Variants in ERCC5 observed in about 807,000 individuals in gnomAD.
ERCC5 encodes ERCC excision repair 5, endonuclease, also known as DNA excision repair protein ERCC-5.
In ERCC5, 68 loss-of-function variants were observed where a neutral mutation model predicts 105.6. The ratio of observed to expected loss-of-function variants is 0.64; its 90% CI spans 0.53 to 0.79. ERCC5 has a LOEUF of 0.79. Among genes scored for constraint, ERCC5 ranks in the 30% least tolerant of loss-of-function variants. The pLI is 0.00. For missense variants in ERCC5, 1,373 were observed against 1,426.7 expected, an observed-to-expected ratio of 0.96 and a Z score of 0.61; for synonymous variants, 546 against 526.2, an observed-to-expected ratio of 1.04 and a Z score of -0.51.
rs1325131028 is a variant in ERCC5, at chr13:102,862,216, GC to G, written c.1068del (p.Ser357GlnfsTer22). 6.2e-7 allele frequency: 1 copy of G among 1,614,174 alleles called. No homozygotes were observed. Among genetic ancestry groups the G allele is most frequent in the Admixed American group, 1.7e-5 (1 of 60,030 alleles). ...ATGCAAGCTGCCCTGCTGGGAAGTA[GC>G]TCAGAAGAGGAGCTGGAGAGTGAAA... ...LAMQAALLGS[S>X]SEEELESENR... On this transcript the variant is annotated frameshift_variant, in exon 8 of 15. Transcript: ENST00000652225. LOFTEE classifies it high-confidence loss of function.
At position 102,875,931 on chromosome 13, in the gene ERCC5, G is replaced by C; in HGVS notation, c.*28G>C. The C allele has an allele frequency of 1.3e-6, 2 of 1,597,248 alleles. No individual in the cohort carries two copies. Among genetic ancestry groups the C allele is most frequent in the Non-Finnish European group, 1.7e-6 (2 of 1,177,834 alleles). ...AAAAAATATGTATCCTCTATAATTA[G>C]TTATGACAGCCATTTGTAATGAATT... On this transcript the variant is annotated 3_prime_UTR_variant, in exon 15 of 15. Transcript: ENST00000652225.
Position 102,852,205 on chromosome 13 carries a change from T to A in ERCC5, c.176T>A (p.Phe59Tyr), listed in dbSNP as rs1882231314. Residue 59 changes from phenylalanine (F) to tyrosine (Y), a missense_variant, in exon 2 of 15, where the codon TTT becomes TAT. Coordinates refer to ENST00000652225, the MANE Select transcript of ERCC5 (RefSeq NM_000123.4). ...SIENPHLLTLFHRLCKLLFFR... is the reference protein window; with the variant it reads ...SIENPHLLTLYHRLCKLLFFR... ...GAAAATCCTCATCTTCTCACTTTGT[T>A]TCATCGGCTCTGCAAACTCTTATTT... 1 of 1,614,156 alleles carries A rather than the reference T, an allele frequency of 6.2e-7. No homozygotes were observed.
chr13:102,856,837 A>G (rs1241132601), intron 5 of ERCC5, among the ~76,000 whole-genome samples: 3 of 152,236 alleles, frequency 2.0e-5, no homozygotes, highest in African/African-American at 7.2e-5. Flanking sequence ...GCATTTTCCC[A>G]GCATGATGAC....
chr13:102,875,157 G>A, intron 14 of ERCC5, 150 bp from the exon 15 acceptor site: 1 of 855,022 alleles, frequency 1.2e-6, no homozygotes, highest in African/African-American at 1.7e-5. Context: ...GTAATTCACT[G>A]GGAGAGAACT....
At position 102,862,207 on chromosome 13, in the gene ERCC5, T is replaced by C; in HGVS notation, c.1058T>C (p.Leu353Pro). 1 of 1,614,100 alleles carries C rather than the reference T, an allele frequency of 6.2e-7. No homozygotes were observed. Among genetic ancestry groups the C allele is most frequent in the South Asian group, 1.1e-5 (1 of 91,080 alleles). Residue 353 changes from leucine (L) to proline (P), a missense_variant, in exon 8 of 15, where the codon CTG (leucine) becomes CCG (proline). Transcript: ENST00000652225. Reference protein sequence around the residue: ...RTLLAMQAALLGSSSEEELES... With the variant: ...RTLLAMQAALPGSSSEEELES... ...TTACTAGCTATGCAAGCTGCCCTGC[T>C]GGGAAGTAGCTCAGAAGAGGAGCTG...
Position 102,852,287 on chromosome 13 carries a change from G to GACTT in ERCC5, c.259_262dup (p.Leu88TyrfsTer15). 2.5e-6 allele frequency: 4 copies of GACTT among 1,614,054 alleles called. No individual in the cohort carries two copies. Among genetic ancestry groups the GACTT allele is most frequent in the Non-Finnish European group, 8.5e-7 (1 of 1,179,998 alleles). ...GGGATGCTCCACTATTGAAGAAACAGACTTTGGTAAGTGTCGTATAGTTTT... is the reference window on the plus strand; with the variant it reads ...GGGATGCTCCACTATTGAAGAAACAGACTTACTTTGGTAAGTGTCGTATAGTTTT... On this transcript the variant is annotated frameshift_variant, in exon 2 of 15. Transcript: ENST00000652225. LOFTEE classifies it high-confidence loss of function.
chr13:102,871,362 CT>C (rs1883027969), intron 12 of ERCC5, among the ~76,000 whole-genome samples: 1 of 152,146 alleles, frequency 6.6e-6, no homozygotes, highest in African/African-American at 2.4e-5. Flanking sequence ...GTGTCGCTGT[CT>C]TTATCCGGCC....
chr13:102,870,580 T>C (rs998784039), intron 12 of ERCC5, among the ~76,000 whole-genome samples: 10 of 152,226 alleles, frequency 6.6e-5, no homozygotes, highest in Non-Finnish European at 1.5e-5. Context: ...CCAGTCATGA[T>C]TACAGTTTCA....
At chr13:102,856,383 G>A (rs1317298005) in intron 5 of ERCC5, among the ~76,000 whole-genome samples, 1 of 151,968 alleles carries the variant, frequency 6.6e-6, no homozygotes, top group African/African-American at 2.4e-5. Context: ...CCAACCAATA[G>A]TAATATGTGC....
intron 1 of ERCC5, among the ~76,000 whole-genome samples, chr13:102,848,946 G>T (rs1290680877): frequency 6.6e-6 from 1 of 152,116 alleles, no homozygotes; most frequent in Non-Finnish European, 1.5e-5. Context: ...TAGGCCCATG[G>T]GGTTTAATAA....
At chr13:102,868,810 A>G (rs1882935304) in intron 12 of ERCC5, among the ~76,000 whole-genome samples, 1 of 152,250 alleles carries the variant, frequency 6.6e-6, no homozygotes, top group Admixed American at 6.5e-5. Context: ...TGCTCCATCC[A>G]GAACCCAGAG....
Position 102,865,804 on chromosome 13 carries a change from G to T in ERCC5, c.2092G>T (p.Glu698Ter). ...TREGEAPAES[E>*]SLLRDNSERD... is the part of the protein sequence containing the mutation. ...GGAGGGAGAAGCCCCTGCTGAGTCC[G>T]AGAGCCTCCTGAGGGACAACTCTGA... The change falls in exon 9 of 15, where the codon GAG (glutamate) becomes TAG (stop). Residue 698 changes from glutamate to a stop codon, truncating the protein, a stop_gained. Coordinates refer to ENST00000652225, the MANE Select transcript of ERCC5 (RefSeq NM_000123.4). LOFTEE classifies it high-confidence loss of function. This position sits in a 1 kb window ranked among gnomAD's most constrained non-coding sequence, Gnocchi z 4.0. 6.2e-7 allele frequency: 1 copy of T among 1,614,150 alleles called. No homozygotes were observed. The highest frequency in any genetic ancestry group is 8.5e-7 in the Non-Finnish European group (1 of 1,180,034).
intron 1 of ERCC5, among the ~76,000 whole-genome samples, chr13:102,847,816 T>G (rs1238063269): frequency 6.6e-6 from 1 of 152,216 alleles, no homozygotes; most frequent in African/African-American, 2.4e-5. Flanking sequence ...CCCTTAAAAC[T>G]TCAGCAAAGA....
At position 102,861,528 on chromosome 13, in the gene ERCC5, T is replaced by G. The variant is rs1882617804; in HGVS notation, c.694T>G (p.Tyr232Asp). 6.2e-7 allele frequency: 1 copy of G among 1,614,034 alleles called. No individual in the cohort carries two copies. Among genetic ancestry groups the G allele is most frequent in the South Asian group, 1.1e-5 (1 of 91,088 alleles). Residue 232 changes from tyrosine (Y) to aspartate (D), a missense_variant, in exon 7 of 15, where the codon TAC becomes GAC. Around this residue, in one of 3 missense-constraint regions of ERCC5, gnomAD observed 1,004 missense variants for 1,059.7 expected, o/e 0.95. Transcript: ENST00000652225. ...TTAGGAGTCTGATGACTTTTCACAGTACCAACTCAAAGGCTTGCTTAAAAA... is the reference window on the plus strand; with the variant it reads ...TTAGGAGTCTGATGACTTTTCACAGGACCAACTCAAAGGCTTGCTTAAAAA... ...MPEESDDFSQYQLKGLLKKNY... is the reference protein window; with the variant it reads ...MPEESDDFSQDQLKGLLKKNY...
At chr13:102,867,905 G>A (rs982208588) in intron 11 of ERCC5, among the ~76,000 whole-genome samples, 8 of 152,112 alleles carry the variant, frequency 5.3e-5, no homozygotes, top group Non-Finnish European at 5.9e-5. Flanking sequence ...AGCGTATAGA[G>A]GGTATTTAAA....
chr13:102,871,369 C>T (rs1222642506), intron 12 of ERCC5, among the ~76,000 whole-genome samples: 2 of 152,056 alleles, frequency 1.3e-5, no homozygotes, highest in Non-Finnish European at 2.9e-5. Context: ...TGTCTTTATC[C>T]GGCCGATTTA....
At chr13:102,864,068 C>G (rs1882744619) in intron 8 of ERCC5, among the ~76,000 whole-genome samples, 1 of 149,924 alleles carries the variant, frequency 6.7e-6, no homozygotes, top group African/African-American at 2.5e-5. Flanking sequence ...TCGGTATTGG[C>G]TAATTTAGTG....
At chr13:102,869,019 G>A (rs1386026723) in intron 12 of ERCC5, among the ~76,000 whole-genome samples, 1 of 152,174 alleles carries the variant, frequency 6.6e-6, no homozygotes, top group Non-Finnish European at 1.5e-5. Flanking sequence ...GATTGTGGTG[G>A]CATCTTTTAA....
chr13:102,846,161 A>G lies in ERCC5; in HGVS notation c.-106A>G. The G allele has an allele frequency of 7.0e-6, 6 of 856,194 alleles. No homozygotes were observed. The highest frequency in any genetic ancestry group is 1.1e-5 in the Non-Finnish European group (6 of 524,522). The allele number at this position is 856,194 out of a possible 1,614,324, so 53.0% of individuals were successfully genotyped here. ...GTATTATTTGCCATCTTTGTTGTGT[A>G]GGAGCAGGGAGGGCTTCCTCCCGGG... On this transcript the variant is annotated 5_prime_UTR_variant, in exon 1 of 15. Transcript: ENST00000652225.
Sources: gnomAD v4.1 joint callset for allele counts (sites outside exome capture counted in the v4.1 genomes callset) on GRCh38, gnomAD v4.1.1 for gene constraint, gnomAD v4.1.1 regional missense constraint, Gnocchi (gnomAD v3.1) non-coding constraint, MANE v1.5 for transcripts, NCBI Gene and HGNC (gene_info 2026-07-23, HGNC 2026-07-21) for gene names.